Variants in TENM2 observed in about 807,000 individuals in gnomAD.
TENM2 encodes the protein teneurin-2.
TENM2 carries 52 observed loss-of-function variants against 245.2 expected under a neutral mutation model. The observed-to-expected ratio is 0.21, with a 90% confidence interval of 0.17 to 0.27. The LOEUF (loss-of-function observed/expected upper bound fraction) is 0.27. Ranked by LOEUF, TENM2 falls within the 10% of genes least tolerant of loss-of-function variation. The pLI, the probability that TENM2 is intolerant of heterozygous loss-of-function variation, is 1.00. For synonymous variants in TENM2, 1,363 were observed against 1,438.9 expected (o/e 0.95, Z 1.19); for missense variants, 3,046 against 3,666.8 (o/e 0.83, Z 4.37).
intron 2 of TENM2, among the ~76,000 whole-genome samples, chr5:167,433,242 C>G (rs1764355716): frequency 6.6e-6 from 1 of 151,854 alleles, no homozygotes; most frequent in African/African-American, 2.4e-5. Flanking sequence ...GGTGTCAAGT[C>G]CATTTTAATA....
At chr5:167,063,296 AG>A in the TENM2 span, among the ~76,000 whole-genome samples, 1 of 152,194 alleles carries the variant, frequency 6.6e-6, no homozygotes, top group Non-Finnish European at 1.5e-5. Flanking sequence ...AAAAATGAGA[AG>A]AACATCCCCC....
chr5:167,696,172 T>A (rs1561681046), intron 2 of TENM2, among the ~76,000 whole-genome samples: 1 of 152,204 alleles, frequency 6.6e-6, no homozygotes. Flanking sequence ...AGGGTTGGTA[T>A]TTGGGAATCT....
chr5:168,256,356 T>C (rs913859471), intron 27 of TENM2, among the ~76,000 whole-genome samples: 1 of 152,008 alleles, frequency 6.6e-6, no homozygotes, highest in Admixed American at 6.6e-5. Context: ...ATATGGCTGT[T>C]GCCAGATTAA....
chr5:167,853,340 G>A, intron 2 of TENM2, among the ~76,000 whole-genome samples: 1 of 141,632 alleles, frequency 7.1e-6, no homozygotes, highest in African/African-American at 2.6e-5. Flanking sequence ...ATTTGAGAAT[G>A]TTCTGTGGAA....
At chr5:168,217,550 T>G (rs1420537521) in intron 22 of TENM2, among the ~76,000 whole-genome samples, 2 of 152,226 alleles carry the variant, frequency 1.3e-5, no homozygotes, top group African/African-American at 4.8e-5. Context: ...AACTTGCTAC[T>G]GAGATTTTTA....
the TENM2 span, among the ~76,000 whole-genome samples, chr5:167,044,626 A>G: frequency 1.3e-5 from 2 of 152,174 alleles, no homozygotes; most frequent in Non-Finnish European, 2.9e-5. Context: ...AGTGACACCA[A>G]TATGTCTCAG....
chr5:168,076,198 ATTT>A (rs1162817704), intron 7 of TENM2, among the ~76,000 whole-genome samples: 3 of 43,938 alleles, frequency 6.8e-5, no homozygotes, highest in African/African-American at 2.7e-4. Context: ...ATTTTATTTT[ATTT>A]TATTTTATTT....
chr5:167,431,199 A>G (rs1309414083), intron 2 of TENM2, among the ~76,000 whole-genome samples: 1 of 152,194 alleles, frequency 6.6e-6, no homozygotes, highest in Non-Finnish European at 1.5e-5. Flanking sequence ...GACAATTATC[A>G]ATTTCTTTTT....
At chr5:167,507,611 CT>C (rs1769641825) in intron 2 of TENM2, among the ~76,000 whole-genome samples, 1 of 152,114 alleles carries the variant, frequency 6.6e-6, no homozygotes, top group African/African-American at 2.4e-5. Flanking sequence ...AATGGTGGCA[CT>C]AGTGTCATGA....
At chr5:168,005,287 G>A (rs1784734767) in intron 5 of TENM2, among the ~76,000 whole-genome samples, 1 of 152,164 alleles carries the variant, frequency 6.6e-6, no homozygotes. Flanking sequence ...GTGTTTGTAT[G>A]ACTAAGGGAT....
chr5:168,073,616 C>T, intron 7 of TENM2, among the ~76,000 whole-genome samples: 1 of 152,312 alleles, frequency 6.6e-6, no homozygotes, highest in East Asian at 1.9e-4. Flanking sequence ...TGCATATTTG[C>T]AGCTGTGTAC....
At chr5:167,855,888 A>AGG (rs1456675707) in intron 2 of TENM2, among the ~76,000 whole-genome samples, 1 of 54,588 alleles carries the variant, frequency 1.8e-5, no homozygotes, top group Non-Finnish European at 5.9e-5. Flanking sequence ...GAAGGAAGGG[A>AGG]AGGAGGGAGG....
rs376707550 is a variant in TENM2 at position 167,875,316 on chromosome 5, C to G, written c.503-670C>G. On this transcript the variant is annotated intron_variant, in intron 2 of 28. Transcript: ENST00000518659. ...GGAGGGGACAGGAAGTGTGAAGACT[C>G]TGAAGGTGGAATGGCTTGGTGTGTT... Among the ~76,000 whole-genome samples, 24 of 151,354 alleles carry G rather than the reference C, an allele frequency of 1.6e-4. No homozygotes were observed. In the East Asian group the frequency reaches 3.7e-3, roughly 23 times the overall value.
intron 3 of TENM2, chr5:167,934,757 A>G: frequency 1.7e-6 from 1 of 588,432 alleles, no homozygotes; most frequent in Non-Finnish European, 2.1e-6. Context: ...GTCTTCCCAC[A>G]AGGAAACTCG....
At chr5:167,777,646 G>A (rs1381325141) in intron 2 of TENM2, among the ~76,000 whole-genome samples, 2 of 152,164 alleles carry the variant, frequency 1.3e-5, no homozygotes, top group African/African-American at 2.4e-5. Flanking sequence ...CAGTAACAGT[G>A]CCTAACAGCC....
At chr5:167,452,964 T>TATAAATATATTTATATTTA (rs1765699674) in intron 2 of TENM2, among the ~76,000 whole-genome samples, 1 of 108,224 alleles carries the variant, frequency 9.2e-6, no homozygotes, top group Non-Finnish European at 1.8e-5. Context: ...TATATATATT[T>TATAAATATATTTATATTTA]AAAAAAAAAA....
the TENM2 span, among the ~76,000 whole-genome samples, chr5:167,277,806 A>G: frequency 7.3e-5 from 11 of 150,552 alleles, no homozygotes; most frequent in African/African-American, 2.2e-4. Flanking sequence ...GGTCATACAT[A>G]TTTAGAATTG....
chr5:167,344,261 C>T (rs1315420936), intron 1 of TENM2, among the ~76,000 whole-genome samples: 1 of 146,148 alleles, frequency 6.8e-6, no homozygotes, highest in African/African-American at 2.5e-5. Context: ...ACAGAGAATA[C>T]ACAAACACAT....
chr5:168,119,789 C>T (rs769345203), intron 10 of TENM2, among the ~76,000 whole-genome samples: 22 of 152,180 alleles, frequency 1.4e-4, no homozygotes, highest in Non-Finnish European at 2.8e-4. Flanking sequence ...ACTTGCCCAA[C>T]AAACTAAGGG....
Sources: gnomAD v4.1 joint callset for allele counts (sites outside exome capture counted in the v4.1 genomes callset) on GRCh38, gnomAD v4.1.1 for gene constraint, MANE v1.5 for transcripts, NCBI Gene and HGNC (gene_info 2026-07-23, HGNC 2026-07-21) for gene names.